Variants in EXOC6B observed in about 807,000 individuals in gnomAD.
The protein encoded by EXOC6B is exocyst complex component 6B.
EXOC6B carries 54 observed loss-of-function variants against 113.5 expected under a neutral mutation model. The ratio of observed to expected loss-of-function variants is 0.48; its 90% CI spans 0.38 to 0.60. The LOEUF (loss-of-function observed/expected upper bound fraction) is 0.60, where lower values mean the gene tolerates loss of function less well. Ranked by LOEUF, EXOC6B falls within the 20% of genes least tolerant of loss-of-function variation. The probability of loss-of-function intolerance (pLI) is 0.00; values close to 1 mark genes in which losing one functional copy is unlikely to be tolerated. For missense variants in EXOC6B, 797 were observed against 977.5 expected (o/e 0.82, Z 2.46); for synonymous variants, 357 against 339.0 (o/e 1.05, Z -0.58).
intron 7 of EXOC6B, among the ~76,000 whole-genome samples, chr2:72,560,176 AC>A (rs1299012429): frequency 6.6e-6 from 1 of 152,162 alleles, no homozygotes; most frequent in African/African-American, 2.4e-5. Flanking sequence ...AAAGAAAAAA[AC>A]ATCAGGTAAG....
At chr2:72,697,281 T>C (rs1373256263) in intron 6 of EXOC6B, among the ~76,000 whole-genome samples, 1 of 152,132 alleles carries the variant, frequency 6.6e-6, no homozygotes, top group Non-Finnish European at 1.5e-5. Context: ...GGCACAAATG[T>C]CCCACTTCCT....
intron 11 of EXOC6B, among the ~76,000 whole-genome samples, chr2:72,503,237 G>C (rs561914289): frequency 6.3e-4 from 96 of 152,228 alleles, no homozygotes; most frequent in African/African-American, 2.2e-3. Context: ...GGTTTACTCT[G>C]TGTTATATAT....
intron 1 of EXOC6B, among the ~76,000 whole-genome samples, chr2:72,792,628 A>T (rs1283856501): frequency 2.6e-5 from 4 of 152,200 alleles, no homozygotes; most frequent in Non-Finnish European, 5.9e-5. Context: ...TAAGTATTTT[A>T]TATAGTTTAT....
At chr2:72,605,387 T>C (rs558444197) in intron 6 of EXOC6B, among the ~76,000 whole-genome samples, 2 of 152,104 alleles carry the variant, frequency 1.3e-5, no homozygotes, top group South Asian at 4.2e-4. Context: ...CAGTTTACCA[T>C]GGGGAGGGCT....
rs75700158 is a variant in EXOC6B at position 72,549,549 on chromosome 2, T to C, written c.915+9904A>G. Among the ~76,000 whole-genome samples, 1,072 of 152,234 alleles carry C rather than the reference T, an allele frequency of 7.0e-3. 14 individuals are homozygous for C. The highest frequency in any genetic ancestry group is 0.025 in the African/African-American group (1,021 of 41,556). ...TACTATTATCTGACATAACTAAAAA[T>C]GCAGATGGGCAGGAGGGGCAAGACA... On this transcript the variant is annotated intron_variant, in intron 8 of 21. Transcript: ENST00000272427.
chr2:72,467,755 T>C (rs553111507), intron 17 of EXOC6B, among the ~76,000 whole-genome samples: 34 of 152,214 alleles, frequency 2.2e-4, no homozygotes, highest in African/African-American at 7.0e-4. Context: ...TTTGCAAATA[T>C]ATTCTGCCAT....
chr2:72,217,034 C>CA (rs11442630), intron 20 of EXOC6B, among the ~76,000 whole-genome samples: 39,421 of 119,706 alleles, frequency 0.33, 6,524 homozygotes, highest in African/African-American at 0.47. Context: ...GACTCCATAT[C>CA]AAAAAAAAAA....
intron 11 of EXOC6B, among the ~76,000 whole-genome samples, chr2:72,505,589 T>C (rs958513589): frequency 6.6e-6 from 1 of 152,162 alleles, no homozygotes; most frequent in Non-Finnish European, 1.5e-5. Context: ...ATAAAACTAT[T>C]GAAATTTTGA....
intron 19 of EXOC6B, among the ~76,000 whole-genome samples, chr2:72,368,406 G>A (rs985387880): frequency 3.3e-5 from 5 of 151,804 alleles, no homozygotes; most frequent in South Asian, 2.1e-4. Flanking sequence ...CAGGACCAGA[G>A]GGATTCACAG....
chr2:72,432,826 T>A (rs976577684), intron 18 of EXOC6B, among the ~76,000 whole-genome samples: 1 of 152,190 alleles, frequency 6.6e-6, no homozygotes, highest in East Asian at 1.9e-4. Flanking sequence ...GTCAGACGGA[T>A]AAATTGCAAA....
At chr2:72,269,538 C>T (rs1684345840) in intron 20 of EXOC6B, among the ~76,000 whole-genome samples, 1 of 152,118 alleles carries the variant, frequency 6.6e-6, no homozygotes, top group African/African-American at 2.4e-5. Flanking sequence ...TACCCAGGCA[C>T]AGTGGCTCAC....
intron 6 of EXOC6B, among the ~76,000 whole-genome samples, chr2:72,712,067 A>G (rs1411955979): frequency 8.5e-5 from 13 of 152,158 alleles, no homozygotes; most frequent in Admixed American, 6.5e-4. Flanking sequence ...TCGCTAAATG[A>G]TTGACCTTGT....
At chr2:72,232,427 C>T (rs1461111221) in intron 20 of EXOC6B, among the ~76,000 whole-genome samples, 2 of 152,142 alleles carry the variant, frequency 1.3e-5, no homozygotes, top group Non-Finnish European at 2.9e-5. Flanking sequence ...AGCCATTAAA[C>T]ATTCACATAG....
intron 20 of EXOC6B, among the ~76,000 whole-genome samples, chr2:72,306,135 T>G (rs1686842227): frequency 2.0e-5 from 3 of 152,040 alleles, no homozygotes; most frequent in Non-Finnish European, 4.4e-5. Flanking sequence ...TACATTCACA[T>G]TAAAAAAAGA....
At chr2:72,288,006 T>C (rs1402647264) in intron 20 of EXOC6B, among the ~76,000 whole-genome samples, 7 of 152,066 alleles carry the variant, frequency 4.6e-5, no homozygotes, top group Non-Finnish European at 8.8e-5. Flanking sequence ...GGAAATCCAA[T>C]AGAAAATTTG....
chr2:72,666,454 C>A (rs1675395609), intron 6 of EXOC6B, among the ~76,000 whole-genome samples: 1 of 152,008 alleles, frequency 6.6e-6, no homozygotes, highest in Admixed American at 6.6e-5. Context: ...ACTCTCAGAT[C>A]ACAGAACTAT....
At chr2:72,201,443 TAGC>T (rs1679488288) in intron 20 of EXOC6B, among the ~76,000 whole-genome samples, 1 of 148,370 alleles carries the variant, frequency 6.7e-6, no homozygotes, top group African/African-American at 2.5e-5. Context: ...TAAAAAAAAA[TAGC>T]AGGCCATTTA....
chr2:72,505,869 C>CT (rs1235326658), intron 11 of EXOC6B, among the ~76,000 whole-genome samples: 1 of 152,008 alleles, frequency 6.6e-6, no homozygotes, highest in African/African-American at 2.4e-5. Flanking sequence ...TTATTAATTG[C>CT]TTTTCTGTAT....
chr2:72,200,212 C>T (rs933674836), intron 20 of EXOC6B, among the ~76,000 whole-genome samples: 2 of 152,066 alleles, frequency 1.3e-5, no homozygotes, highest in Non-Finnish European at 2.9e-5. Context: ...GATTTTTAGA[C>T]TTCTGAAATA....
Sources: allele counts gnomAD v4.1 joint callset (sites outside exome capture counted in the v4.1 genomes callset), GRCh38; gene constraint gnomAD v4.1.1; transcripts MANE v1.5; gene names NCBI Gene and HGNC (gene_info 2026-07-23, HGNC 2026-07-21).